Variants in GALNT17 observed in about 807,000 individuals in gnomAD.
GALNT17 encodes UDP-GalNAc:polypeptide N-acetylgalactosaminyltransferase-like 3.
Under a neutral mutation model 63.7 loss-of-function variants are expected in GALNT17, and 29 were observed. That is an observed-to-expected ratio of 0.46 (90% CI 0.34 to 0.62). The LOEUF is 0.62. Among genes scored for constraint, GALNT17 ranks in the 20% least tolerant of loss-of-function variants. The pLI, the probability that GALNT17 is intolerant of heterozygous loss-of-function variation, is 0.01. For missense variants in GALNT17, 603 were observed against 799.6 expected, an observed-to-expected ratio of 0.75 and a Z score of 2.97; for synonymous variants, 305 against 318.3, an observed-to-expected ratio of 0.96 and a Z score of 0.45.
intron 5 of GALNT17, among the ~76,000 whole-genome samples, chr7:71,450,834 A>T (rs912841127): frequency 6.6e-6 from 1 of 152,140 alleles, no homozygotes; most frequent in South Asian, 2.1e-4. Flanking sequence ...TGCTTTTCTA[A>T]GAGCATTATA....
At chr7:71,407,850 C>G (rs1424247650) in intron 3 of GALNT17, among the ~76,000 whole-genome samples, 2 of 151,974 alleles carry the variant, frequency 1.3e-5, no homozygotes, top group Non-Finnish European at 2.9e-5. Flanking sequence ...TTTCATGAAC[C>G]ATGTGTATTA....
At chr7:71,171,661 A>T (rs370887035) in intron 1 of GALNT17, among the ~76,000 whole-genome samples, 6 of 152,224 alleles carry the variant, frequency 3.9e-5, no homozygotes, top group African/African-American at 1.4e-4. Flanking sequence ...AGATTCTGGG[A>T]TGTTGCCAAG....
intron 5 of GALNT17, among the ~76,000 whole-genome samples, chr7:71,522,198 A>G (rs1788541754): frequency 6.6e-6 from 1 of 152,120 alleles, no homozygotes; most frequent in African/African-American, 2.4e-5. Flanking sequence ...GTTCCTTGGC[A>G]TGGTGTCAAT....
chr7:71,449,566 A>G (rs755856278), intron 5 of GALNT17, among the ~76,000 whole-genome samples: 30 of 152,136 alleles, frequency 2.0e-4, no homozygotes, highest in Non-Finnish European at 3.7e-4. Context: ...AATACCTTGA[A>G]TGTTTCACCA....
intron 1 of GALNT17, among the ~76,000 whole-genome samples, chr7:71,137,915 T>G (rs550214465): frequency 1.3e-5 from 2 of 152,340 alleles, no homozygotes; most frequent in East Asian, 1.9e-4. Context: ...CCCCCAAAAC[T>G]TAACTGTTAA....
At chr7:71,460,993 T>C (rs1787442424) in intron 5 of GALNT17, among the ~76,000 whole-genome samples, 1 of 152,206 alleles carries the variant, frequency 6.6e-6, no homozygotes, top group South Asian at 2.1e-4. Context: ...CTTAGAATGC[T>C]TAACCATCTG....
chr7:71,580,780 G>T (rs1050775599), intron 6 of GALNT17, among the ~76,000 whole-genome samples: 10 of 152,070 alleles, frequency 6.6e-5, no homozygotes, highest in African/African-American at 2.4e-4. Flanking sequence ...GAGGAGGTTT[G>T]GGAGAAGGTG....
At chr7:71,330,852 T>C (rs571399625) in intron 1 of GALNT17, among the ~76,000 whole-genome samples, 1 of 152,252 alleles carries the variant, frequency 6.6e-6, no homozygotes, top group South Asian at 2.1e-4. Context: ...TTGGTGGAAA[T>C]AGACAAGGGA....
At chr7:71,245,198 T>C (rs757784635) in intron 1 of GALNT17, among the ~76,000 whole-genome samples, 1 of 152,162 alleles carries the variant, frequency 6.6e-6, no homozygotes, top group Non-Finnish European at 1.5e-5. Context: ...GGAGCCTTTG[T>C]CATTGTCGAC....
chr7:71,451,895 TG>T (rs1197943644), intron 5 of GALNT17, among the ~76,000 whole-genome samples: 2 of 152,126 alleles, frequency 1.3e-5, no homozygotes, highest in African/African-American at 4.8e-5. Flanking sequence ...TGGTTTTTTT[TG>T]TTTGTTTGTT....
At chr7:71,151,917 A>G (rs1355841463) in intron 1 of GALNT17, among the ~76,000 whole-genome samples, 1 of 152,214 alleles carries the variant, frequency 6.6e-6, no homozygotes, top group African/African-American at 2.4e-5. Context: ...TTTTGCTGCC[A>G]CCGAATTTTA....
intron 1 of GALNT17, among the ~76,000 whole-genome samples, chr7:71,329,917 A>G (rs1026963732): frequency 1.1e-4 from 16 of 146,868 alleles, no homozygotes; most frequent in African/African-American, 3.9e-4. Context: ...ATATATATGT[A>G]TGTGTGTGTG....
At chr7:71,286,097 A>G (rs1212764694) in intron 1 of GALNT17, among the ~76,000 whole-genome samples, 1 of 152,188 alleles carries the variant, frequency 6.6e-6, no homozygotes, top group African/African-American at 2.4e-5. Context: ...CTGGGCATTC[A>G]ACTGATTGCA....
chr7:71,617,313 G>A (rs530502248), intron 6 of GALNT17, among the ~76,000 whole-genome samples: 1 of 149,548 alleles, frequency 6.7e-6, no homozygotes, highest in African/African-American at 2.4e-5. Context: ...GCAGGGGCGG[G>A]GGGGGTTGGT....
At chr7:71,628,916 C>A (rs912447711) in intron 6 of GALNT17, among the ~76,000 whole-genome samples, 1 of 151,954 alleles carries the variant, frequency 6.6e-6, no homozygotes, top group African/African-American at 2.4e-5. Context: ...TGGATGACAG[C>A]GAGACTCTGT....
At chr7:71,459,746 T>C (rs1024895720) in intron 5 of GALNT17, among the ~76,000 whole-genome samples, 1 of 152,200 alleles carries the variant, frequency 6.6e-6, no homozygotes, top group African/African-American at 2.4e-5. Flanking sequence ...TAGATCTTTT[T>C]CTCTAGGCCC....
At chr7:71,293,958 G>T (rs903047164) in intron 1 of GALNT17, among the ~76,000 whole-genome samples, 11 of 152,136 alleles carry the variant, frequency 7.2e-5, no homozygotes, top group Non-Finnish European at 1.3e-4. Flanking sequence ...AGGAGATGGA[G>T]ACCATCCTGG....
intron 5 of GALNT17, among the ~76,000 whole-genome samples, chr7:71,456,566 C>T (rs1583970972): frequency 6.6e-6 from 1 of 151,674 alleles, no homozygotes; most frequent in African/African-American, 2.4e-5. Context: ...AAATACAAAA[C>T]TTAGCCGGGC....
intron 1 of GALNT17, among the ~76,000 whole-genome samples, chr7:71,197,092 C>T (rs1040101120): frequency 2.0e-5 from 3 of 151,680 alleles, no homozygotes; most frequent in East Asian, 1.9e-4. Flanking sequence ...TCCATCCTCT[C>T]GAGCATTTAT....
Sources: gnomAD v4.1 joint callset for allele counts (sites outside exome capture counted in the v4.1 genomes callset) on GRCh38, gnomAD v4.1.1 for gene constraint, MANE v1.5 for transcripts, NCBI Gene and HGNC (gene_info 2026-07-23, HGNC 2026-07-21) for gene names.